STAG1: variants seen among roughly 807,000 people sequenced by gnomAD.
STAG1 encodes STAG1 cohesin complex component.
Under a neutral mutation model 170.9 loss-of-function variants are expected in STAG1, and 26 were observed. That is an observed-to-expected ratio of 0.15 (90% CI 0.11 to 0.21). The LOEUF (loss-of-function observed/expected upper bound fraction) is 0.21. STAG1 is among the 10% of genes least tolerant of loss of function. The pLI is 1.00. For missense variants in STAG1, 964 were observed against 1,509.5 expected (o/e 0.64, Z 5.99); for synonymous variants, 514 against 497.7 (o/e 1.03, Z -0.44).
At chr3:136,608,670 AG>A (rs1296977646) in intron 3 of STAG1, among the ~76,000 whole-genome samples, 4 of 150,282 alleles carry the variant, frequency 2.7e-5, no homozygotes, top group African/African-American at 9.8e-5. Flanking sequence ...CTAGGGTAGT[AG>A]TGTGTGCCTG....
intron 3 of STAG1, among the ~76,000 whole-genome samples, chr3:136,611,784 T>A (rs1939296737): frequency 6.7e-6 from 1 of 149,002 alleles, no homozygotes; most frequent in South Asian, 2.1e-4. Flanking sequence ...ATTACAGGGG[T>A]AAGCCACTGC....
chr3:136,519,852 T>G (rs552353664), intron 7 of STAG1, among the ~76,000 whole-genome samples: 1 of 152,248 alleles, frequency 6.6e-6, no homozygotes, highest in South Asian at 2.1e-4. Context: ...GTCTGATGTA[T>G]GTTCTACATA....
chr3:136,380,351 GCTGCCTC>G (rs1937884810), intron 22 of STAG1, among the ~76,000 whole-genome samples: 1 of 151,542 alleles, frequency 6.6e-6, no homozygotes, highest in African/African-American at 2.4e-5. Flanking sequence ...AAGCAATTCT[GCTGCCTC>G]AGCCTCCTGA....
At chr3:136,524,272 G>A (rs994039487) in intron 6 of STAG1, among the ~76,000 whole-genome samples, 5 of 152,080 alleles carry the variant, frequency 3.3e-5, no homozygotes, top group African/African-American at 9.7e-5. Flanking sequence ...TTATTTCATT[G>A]AGCAGTGGTT....
At chr3:136,363,050 C>T (rs902690162) in intron 26 of STAG1, among the ~76,000 whole-genome samples, 2 of 152,054 alleles carry the variant, frequency 1.3e-5, no homozygotes, top group African/African-American at 4.8e-5. Flanking sequence ...TCCTGGTGCC[C>T]TTCCTCATGA....
chr3:136,373,804 A>G (rs970406991), intron 23 of STAG1, among the ~76,000 whole-genome samples: 7 of 152,106 alleles, frequency 4.6e-5, no homozygotes, highest in African/African-American at 1.4e-4. Context: ...GTGGTGCTGA[A>G]AAGAATGTAT....
At chr3:136,345,800 A>T (rs781022988) in intron 29 of STAG1, among the ~76,000 whole-genome samples, 107 of 151,860 alleles carry the variant, frequency 7.0e-4, no homozygotes, top group Non-Finnish European at 1.3e-3. Flanking sequence ...GGTTTCTGAT[A>T]TTTTTTTAGA....
At chr3:136,453,089 T>C (rs1423616660) in intron 13 of STAG1, among the ~76,000 whole-genome samples, 2 of 152,170 alleles carry the variant, frequency 1.3e-5, no homozygotes, top group Non-Finnish European at 2.9e-5. Flanking sequence ...GTCATGTAAT[T>C]ATAACATATA....
intron 9 of STAG1, among the ~76,000 whole-genome samples, chr3:136,490,744 A>G (rs1187166818): frequency 6.6e-6 from 1 of 152,136 alleles, no homozygotes. Context: ...TGAAAATATG[A>G]TTCTGAAATG....
intron 9 of STAG1, among the ~76,000 whole-genome samples, chr3:136,492,546 T>A (rs2090143012): frequency 6.6e-6 from 1 of 152,110 alleles, no homozygotes; most frequent in Non-Finnish European, 1.5e-5. Context: ...AAAACCAAAT[T>A]GCACAAAATG....
At chr3:136,555,817 C>T (rs1176809415) in intron 5 of STAG1, among the ~76,000 whole-genome samples, 1 of 151,124 alleles carries the variant, frequency 6.6e-6, no homozygotes, top group Non-Finnish European at 1.5e-5. Flanking sequence ...ACCAAACATT[C>T]TGGAAAGAAA....
chr3:136,691,432 A>T (rs1203116324), intron 1 of STAG1, among the ~76,000 whole-genome samples: 1 of 143,434 alleles, frequency 7.0e-6, no homozygotes, highest in Non-Finnish European at 1.5e-5. Flanking sequence ...GAGACTCTCA[A>T]AAAAAAAAAA....
chr3:136,662,079 G>C (rs746077840), intron 1 of STAG1, among the ~76,000 whole-genome samples: 2 of 151,544 alleles, frequency 1.3e-5, no homozygotes, highest in Admixed American at 6.6e-5. Flanking sequence ...TCTCTCCTTA[G>C]TTCAGCTAAC....
At chr3:136,720,929 G>T (rs1052219720) in intron 1 of STAG1, among the ~76,000 whole-genome samples, 7 of 152,216 alleles carry the variant, frequency 4.6e-5, no homozygotes, top group African/African-American at 1.7e-4. Flanking sequence ...TATGCTCTGA[G>T]ATGACACAGA....
chr3:136,343,233 C>T (rs747867957), intron 30 of STAG1, among the ~76,000 whole-genome samples: 5 of 152,138 alleles, frequency 3.3e-5, no homozygotes, highest in East Asian at 1.9e-4. Context: ...AAGCAAAACA[C>T]GCCATCACCC....
chr3:136,502,007 C>A (rs1042087618), intron 8 of STAG1, among the ~76,000 whole-genome samples: 1 of 151,990 alleles, frequency 6.6e-6, no homozygotes, highest in African/African-American at 2.4e-5. Flanking sequence ...CATGGAGAAA[C>A]CCCATCTCTA....
At chr3:136,510,400 G>A (rs1474719048) in intron 7 of STAG1, among the ~76,000 whole-genome samples, 4 of 146,938 alleles carry the variant, frequency 2.7e-5, no homozygotes, top group East Asian at 2.1e-4. Context: ...AGTGATTCTC[G>A]TGCCTCAGCC....
intron 1 of STAG1, among the ~76,000 whole-genome samples, chr3:136,653,144 T>C (rs1941271654): frequency 6.6e-6 from 1 of 151,826 alleles, no homozygotes; most frequent in South Asian, 2.1e-4. Flanking sequence ...TGGTGGTGTA[T>C]GTCTGTAATC....
At chr3:136,496,810 CA>C (rs1264632056) in intron 9 of STAG1, among the ~76,000 whole-genome samples, 2 of 150,434 alleles carry the variant, frequency 1.3e-5, no homozygotes, top group Non-Finnish European at 3.0e-5. Flanking sequence ...AAATAGAAAA[CA>C]AAAATAATAG....
Sources: allele counts gnomAD v4.1 joint callset (sites outside exome capture counted in the v4.1 genomes callset), GRCh38; gene constraint gnomAD v4.1.1; transcripts MANE v1.5; gene names NCBI Gene and HGNC (gene_info 2026-07-23, HGNC 2026-07-21).